The following KLHL24 variants were observed in gnomAD, a reference collection of about 807,000 sequenced individuals.
The protein encoded by KLHL24 is kelch-like protein 24.
Under a neutral mutation model 53.4 loss-of-function variants are expected in KLHL24, and 29 were observed. That is an observed-to-expected ratio of 0.54 (90% CI 0.40 to 0.74). The LOEUF (loss-of-function observed/expected upper bound fraction) is 0.74. Ranked by LOEUF, KLHL24 falls within the 30% of genes least tolerant of loss-of-function variation. The pLI is 0.00. For synonymous variants in KLHL24, 222 were observed against 253.7 expected, an observed-to-expected ratio of 0.88 and a Z score of 1.19; for missense variants, 504 against 744.0, an observed-to-expected ratio of 0.68 and a Z score of 3.75.
chr3:183,664,572 G>A (rs1414654406), intron 4 of KLHL24, among the ~76,000 whole-genome samples: 4 of 149,294 alleles, frequency 2.7e-5, no homozygotes, highest in Middle Eastern at 3.5e-3. Context: ...TTGAAAAATC[G>A]GTCAATTAAA....
chr3:183,661,590 C>T (rs951574629), intron 3 of KLHL24, among the ~76,000 whole-genome samples: 2 of 152,202 alleles, frequency 1.3e-5, no homozygotes, highest in African/African-American at 2.4e-5. Flanking sequence ...GACACACATT[C>T]TAGCAGACAT....
At chr3:183,673,399 T>TC (rs1721629096) in intron 7 of KLHL24, among the ~76,000 whole-genome samples, 1 of 150,690 alleles carries the variant, frequency 6.6e-6, no homozygotes, top group Non-Finnish European at 1.5e-5. Context: ...CTTTTTTTTT[T>TC]CTCTTGACTT....
intron 1 of KLHL24, among the ~76,000 whole-genome samples, chr3:183,640,276 G>T (rs1361165491): frequency 6.6e-6 from 1 of 152,158 alleles, no homozygotes; most frequent in Non-Finnish European, 1.5e-5. Flanking sequence ...TAGGGTTGGG[G>T]AATATCAGTA....
chr3:183,641,982 A>G (rs2108765686), intron 1 of KLHL24, among the ~76,000 whole-genome samples: 1 of 152,320 alleles, frequency 6.6e-6, no homozygotes, highest in Middle Eastern at 3.4e-3. Flanking sequence ...CCCATAAGGT[A>G]TAATTCTAGA....
At position 183,663,491 on chromosome 3, in the gene KLHL24, T is replaced by C. The variant is rs1720088888; in HGVS notation, c.954T>C (p.Val318=). The C allele has an allele frequency of 6.3e-7, 1 of 1,575,018 alleles. No homozygotes were observed. The highest frequency in any genetic ancestry group is 8.6e-7 in the Non-Finnish European group (1 of 1,157,310). The change falls in exon 4 of 8, where the codon GTT becomes GTC. Residue 318 remains valine (V), a synonymous_variant. Transcript: ENST00000242810. This position sits in a 1 kb window ranked among gnomAD's most constrained non-coding sequence, Gnocchi z 4.9. ...STGYSEVIVV[V]GGCERVGGFN... is the part of the protein sequence containing the mutation. ...GCTATTCTGAGGTGATAGTTGTCGT[T>C]GGAGGATGTGAGCGAGTTGGAGGAT...
intron 1 of KLHL24, among the ~76,000 whole-genome samples, chr3:183,640,967 A>C (rs1400091893): frequency 6.6e-6 from 1 of 152,054 alleles, no homozygotes; most frequent in Non-Finnish European, 1.5e-5. Context: ...GAAATGTTGA[A>C]AATAGCTTGA....
chr3:183,666,347 G>C (rs1047870723), intron 5 of KLHL24, among the ~76,000 whole-genome samples: 1 of 151,840 alleles, frequency 6.6e-6, no homozygotes, highest in African/African-American at 2.4e-5. Context: ...CTACAGCCTT[G>C]ACCTCCTGGA....
In KLHL24 at chr3:183,672,403, C is replaced by T. The variant is rs541929937; in HGVS notation, c.1521C>T (p.Ala507=). ...AVSLNNLIYV[A]GGLTKAIYCY... is the part of the protein sequence containing the mutation. Reference sequence around the variant, plus strand: ...CCCTAAACAACCTGATCTATGTTGCCGGTGGACTGACCAAGGCAATATACT... The same window carrying T: ...CCCTAAACAACCTGATCTATGTTGCTGGTGGACTGACCAAGGCAATATACT... The change falls in exon 7 of 8, where the codon GCC becomes GCT. Residue 507 remains alanine, a synonymous_variant. Transcript: ENST00000242810. 2.3e-5 allele frequency: 37 copies of T among 1,613,576 alleles called. No individual in the cohort carries two copies. Among genetic ancestry groups the T allele is most frequent in the Admixed American group, 1.0e-4 (6 of 59,938 alleles).
At position 183,681,071 on chromosome 3, in the gene KLHL24, A is replaced by C. The variant is rs1485209980; in HGVS notation, c.*1785A>C. 1 of 152,134 alleles carries C rather than the reference A, an allele frequency of 6.6e-6. No homozygotes were observed. The allele number at this position is 152,134 out of a possible 1,614,324, so 9.4% of individuals were successfully genotyped here. On this transcript the variant is annotated 3_prime_UTR_variant, in exon 8 of 8. Coordinates refer to ENST00000242810, the MANE Select transcript of KLHL24 (RefSeq NM_017644.3). ...ACTTAAAAATTTTTAGGGAATTTTT[A>C]TTTTTCAAATCATAATTTTAAAATG...
At chr3:183,659,822 T>G (rs1201206199) in intron 3 of KLHL24, among the ~76,000 whole-genome samples, 1 of 152,222 alleles carries the variant, frequency 6.6e-6, no homozygotes, top group South Asian at 2.1e-4. Context: ...TAATCTCTGA[T>G]GTAGCCAGAC....
rs1712877985 is a variant in KLHL24 at position 183,683,241 on chromosome 3, A to C, written c.*3955A>C. On this transcript the variant is annotated 3_prime_UTR_variant, in exon 8 of 8. Transcript: ENST00000242810. ...GCCACCACCCCCGGCCTGTATTTTC[A>C]GAGAGGAGAGCTTGGTGTTTTTGTG... 6.5e-6 allele frequency: 1 copy of C among 152,794 alleles called. No individual in the cohort carries two copies. The highest frequency in any genetic ancestry group is 2.1e-4 in the South Asian group (1 of 4,834). The allele number at this position is 152,794 out of a possible 1,614,324, so 9.5% of individuals were successfully genotyped here. A position where few individuals can be genotyped will look rare whatever the true frequency, so the allele number is the denominator to read the frequency against.
At chr3:183,671,611 T>C (rs1721337073) in intron 6 of KLHL24, among the ~76,000 whole-genome samples, 1 of 152,216 alleles carries the variant, frequency 6.6e-6, no homozygotes, top group Non-Finnish European at 1.5e-5. Context: ...ATTTTCTACA[T>C]ACTTTTGAAG....
intron 3 of KLHL24, among the ~76,000 whole-genome samples, chr3:183,655,967 A>T (rs1718808899): frequency 6.6e-6 from 1 of 150,468 alleles, no homozygotes; most frequent in Non-Finnish European, 1.5e-5. Flanking sequence ...AAAAATTGAC[A>T]TTCTGCAAAA....
At chr3:183,666,133 G>A (rs943123770) in intron 5 of KLHL24, among the ~76,000 whole-genome samples, 2 of 152,054 alleles carry the variant, frequency 1.3e-5, no homozygotes, top group Admixed American at 6.6e-5. Context: ...CTCCCACCTC[G>A]GCCTCCCAGA....
chr3:183,637,254 T>C (rs2108745700), intron 1 of KLHL24, among the ~76,000 whole-genome samples: 1 of 152,326 alleles, frequency 6.6e-6, no homozygotes, highest in East Asian at 1.9e-4. Flanking sequence ...TTATTAGGGT[T>C]GTAAAATAGA....
At chr3:183,642,512 G>C (rs769125783) in intron 1 of KLHL24, among the ~76,000 whole-genome samples, 1 of 145,924 alleles carries the variant, frequency 6.9e-6, no homozygotes, top group Non-Finnish European at 1.5e-5. Context: ...CCAGAAACCA[G>C]AACCACTTGT....
intron 1 of KLHL24, among the ~76,000 whole-genome samples, chr3:183,641,220 C>T (rs1302195296): frequency 1.3e-5 from 2 of 152,016 alleles, no homozygotes; most frequent in African/African-American, 4.8e-5. Flanking sequence ...ACTGGCCGGG[C>T]ACAGTGGCTC....
At chr3:183,675,513 C>A (rs1711681202) in intron 7 of KLHL24, among the ~76,000 whole-genome samples, 1 of 152,124 alleles carries the variant, frequency 6.6e-6, no homozygotes, top group Non-Finnish European at 1.5e-5. Flanking sequence ...GACAGTGTAC[C>A]CTACTTGCAT....
At position 183,652,803 on chromosome 3, in the gene KLHL24, C is replaced by A. The variant is rs556472401; in HGVS notation, c.920+1527C>A. Among the ~76,000 whole-genome samples, 13 of 152,258 alleles carry A rather than the reference C, an allele frequency of 8.5e-5. No homozygotes were observed. The East Asian group carries it at 2.5e-3, about 29-fold the overall frequency. ...AGAACTTTCATGAACACACAGTATC[C>A]CTCTAAAGGGAAAATCACTCCTTTT... is the stretch of plus-strand genomic sequence containing the variant. On this transcript the variant is annotated intron_variant, in intron 3 of 7. Coordinates refer to ENST00000242810, the MANE Select transcript of KLHL24 (RefSeq NM_017644.3).
Sources: gnomAD v4.1 joint callset for allele counts (sites outside exome capture counted in the v4.1 genomes callset) on GRCh38, gnomAD v4.1.1 for gene constraint, Gnocchi (gnomAD v3.1) non-coding constraint, MANE v1.5 for transcripts, NCBI Gene and HGNC (gene_info 2026-07-23, HGNC 2026-07-21) for gene names.